The following LDLRAD4 variants were observed in gnomAD, a reference collection of about 807,000 sequenced individuals.
LDLRAD4 encodes low-density lipoprotein receptor class A domain-containing protein 4.
LDLRAD4 carries 5 observed loss-of-function variants against 17.0 expected under a neutral mutation model. The ratio of observed to expected loss-of-function variants is 0.29; its 90% CI spans 0.15 to 0.62. The LOEUF (loss-of-function observed/expected upper bound fraction) is 0.62, where lower values mean the gene tolerates loss of function less well. Ranked by LOEUF, LDLRAD4 falls within the 20% of genes least tolerant of loss-of-function variation. The pLI is 0.84. For synonymous variants in LDLRAD4, 168 were observed against 171.8 expected (o/e 0.98, Z 0.17); for missense variants, 340 against 424.7 (o/e 0.80, Z 1.75).
At chr18:13,421,542 TG>T (rs142215352) in intron 2 of LDLRAD4, among the ~76,000 whole-genome samples, 5,707 of 152,214 alleles carry the variant, frequency 0.037, 221 homozygotes, top group South Asian at 0.091. Context: ...ATCCCTGCCC[TG>T]CCTGGGAGTC....
chr18:13,402,872 G>A (rs115426261), intron 2 of LDLRAD4, among the ~76,000 whole-genome samples: 2,215 of 152,228 alleles, frequency 0.015, 59 homozygotes, highest in African/African-American at 0.051. Context: ...TCACATTTGC[G>A]AATGACAGGA....
In LDLRAD4 at chr18:13,470,256, A is replaced by C. The variant is rs114598917; in HGVS notation, c.181+31872A>C. ...GAGTCTCTTGACTTTCTTCAGACTC[A>C]TATTTTCATAGAGAAATAAGTGTTT... On this transcript the variant is annotated intron_variant, in intron 3 of 5. Transcript: ENST00000359446. Among the ~76,000 whole-genome samples the C allele has an allele frequency of 7.0e-3, 1,065 of 152,282 alleles. 17 individuals are homozygous for C. Among genetic ancestry groups the C allele is most frequent in the African/African-American group, 0.024 (1,017 of 41,556 alleles).
At chr18:13,453,224 A>G (rs1258668912) in intron 3 of LDLRAD4, among the ~76,000 whole-genome samples, 2 of 152,122 alleles carry the variant, frequency 1.3e-5, no homozygotes, top group East Asian at 3.9e-4. Flanking sequence ...GGTTGCGTGC[A>G]CGTGCTCGCG....
chr18:13,583,049 T>C (rs1407916129), intron 3 of LDLRAD4, among the ~76,000 whole-genome samples: 1 of 152,148 alleles, frequency 6.6e-6, no homozygotes, highest in East Asian at 1.9e-4. Flanking sequence ...TTAATAGGTT[T>C]CCATGCTGAA....
chr18:13,417,460 T>G (rs1178980187), intron 2 of LDLRAD4, among the ~76,000 whole-genome samples: 1 of 147,094 alleles, frequency 6.8e-6, no homozygotes, highest in Non-Finnish European at 1.5e-5. Context: ...TGAGACAGAG[T>G]CTCACTCTGT....
intron 1 of LDLRAD4, among the ~76,000 whole-genome samples, chr18:13,335,671 G>T (rs544356341): frequency 6.6e-6 from 1 of 152,306 alleles, no homozygotes; most frequent in South Asian, 2.1e-4. Flanking sequence ...ATGCCTGTGT[G>T]TTCAAAACTG....
chr18:13,627,187 G>T (rs2041246397), intron 4 of LDLRAD4, among the ~76,000 whole-genome samples: 1 of 152,162 alleles, frequency 6.6e-6, no homozygotes, highest in Non-Finnish European at 1.5e-5. Context: ...AAGAGAATCT[G>T]GAGGCAGAGG....
exon 6 of LDLRAD4, chr18:13,650,724 G>A (rs956092196): frequency 5.4e-6 from 1 of 185,772 alleles, no homozygotes; most frequent in African/African-American, 2.3e-5. Flanking sequence ...GTAATATAAT[G>A]TATAGATGAT....
intron 1 of LDLRAD4, among the ~76,000 whole-genome samples, chr18:13,233,750 T>C (rs764728637): frequency 1.3e-5 from 2 of 152,108 alleles, no homozygotes; most frequent in Non-Finnish European, 2.9e-5. Context: ...AGACTGATTA[T>C]GTATTTCCAT....
exon 6 of LDLRAD4, chr18:13,647,572 A>G (rs1413676198): frequency 6.6e-6 from 1 of 150,948 alleles, no homozygotes; most frequent in Non-Finnish European, 1.5e-5. Flanking sequence ...TCCAAACCCC[A>G]AGAGTTGTCT....
chr18:13,445,642 T>C (rs1452830049), intron 3 of LDLRAD4, among the ~76,000 whole-genome samples: 1 of 151,726 alleles, frequency 6.6e-6, no homozygotes, highest in East Asian at 1.9e-4. Flanking sequence ...TGAGAGAGTC[T>C]GATGCATTTG....
intron 4 of LDLRAD4, chr18:13,642,380 A>G: frequency 9.6e-7 from 1 of 1,042,526 alleles, no homozygotes; most frequent in Non-Finnish European, 1.2e-6. Context: ...CTCTGGGCTG[A>G]AAAGGGTACC....
chr18:13,263,523 C>T lies in LDLRAD4; in HGVS notation c.-466-14582C>T, dbSNP rs2044037789. Reference sequence around the variant, plus strand: ...GGCAGGAGCTTGCTTGGGAGAGAGGCAGGGGAGTCGAGGGGCACCTGGCAC... The same window carrying T: ...GGCAGGAGCTTGCTTGGGAGAGAGGTAGGGGAGTCGAGGGGCACCTGGCAC... On this transcript the variant is annotated intron_variant, in intron 1 of 5. Coordinates refer to the LDLRAD4 transcript ENST00000399848. Among the ~76,000 whole-genome samples the T allele has an allele frequency of 2.0e-5, 3 of 152,144 alleles. No homozygotes were observed. The South Asian group carries it at 6.2e-4, about 32-fold the overall frequency.
At chr18:13,400,572 C>T (rs922366800) in intron 2 of LDLRAD4, among the ~76,000 whole-genome samples, 4 of 152,072 alleles carry the variant, frequency 2.6e-5, no homozygotes, top group African/African-American at 4.8e-5. Context: ...GGGGAGGAGA[C>T]GGTGAAAAGA....
At chr18:13,612,554 C>G (rs911158253) in intron 3 of LDLRAD4, 29 of 1,451,142 alleles carry the variant, frequency 2.0e-5, no homozygotes, top group East Asian at 1.0e-4. Context: ...CACCCCCCCC[C>G]CCTCCACGCT....
At chr18:13,501,400 C>T (rs544668434) in intron 3 of LDLRAD4, 1 of 152,328 alleles carries the variant, frequency 6.6e-6, no homozygotes, top group Admixed American at 6.5e-5. Context: ...AGCCGATTGC[C>T]ATGCTAAGCA....
intron 2 of LDLRAD4, among the ~76,000 whole-genome samples, chr18:13,400,607 T>C (rs1398488231): frequency 6.6e-6 from 1 of 152,184 alleles, no homozygotes; most frequent in African/African-American, 2.4e-5. Context: ...AGCTCAGGAC[T>C]GGAGAGGAAC....
intron 1 of LDLRAD4, among the ~76,000 whole-genome samples, chr18:13,386,156 G>A (rs1359978541): frequency 3.3e-5 from 5 of 152,194 alleles, no homozygotes; most frequent in Non-Finnish European, 5.9e-5. Context: ...AAAGAAGAAT[G>A]AGATTACATT....
At position 13,621,744 on chromosome 18, in the gene LDLRAD4, C is replaced by T. The variant is rs550728223; in HGVS notation, c.336+473C>T. Among the ~76,000 whole-genome samples, 5 of 152,180 alleles carry T rather than the reference C, an allele frequency of 3.3e-5. No individual in the cohort carries two copies. The highest frequency in any genetic ancestry group is 5.9e-5 in the Non-Finnish European group (4 of 68,000). On this transcript the variant is annotated intron_variant, in intron 4 of 5. Coordinates refer to ENST00000359446, the Ensembl canonical transcript of LDLRAD4. This position sits in a 1 kb window ranked among gnomAD's most constrained non-coding sequence, Gnocchi z 5.5. ...CACATGGGTGCCATGAGCTGGAGGA[C>T]GCCTGGAGCTTAAGGCCTCGGGAGC...
Sources: allele counts gnomAD v4.1 joint callset (sites outside exome capture counted in the v4.1 genomes callset), GRCh38; gene constraint gnomAD v4.1.1; non-coding constraint Gnocchi (gnomAD v3.1); transcripts MANE v1.5; gene names NCBI Gene and HGNC (gene_info 2026-07-23, HGNC 2026-07-21).